RBMS3: variants seen among roughly 807,000 people sequenced by gnomAD.
The protein encoded by RBMS3 is RNA-binding motif, single-stranded-interacting protein 3.
Under a neutral mutation model 66.8 loss-of-function variants are expected in RBMS3, and 27 were observed. That is an observed-to-expected ratio of 0.40 (90% confidence interval 0.30 to 0.56). The LOEUF is 0.56. RBMS3 is among the 20% of genes least tolerant of loss of function. The pLI, the probability that RBMS3 is intolerant of heterozygous loss-of-function variation, is 0.40. For missense variants in RBMS3, 513 were observed against 549.5 expected (o/e 0.93, Z 0.66); for synonymous variants, 188 against 183.0 (o/e 1.03, Z -0.22).
intron 1 of RBMS3, among the ~76,000 whole-genome samples, chr3:29,306,459 ATTTTGTTTTG>A (rs1389496906): frequency 6.6e-6 from 1 of 151,784 alleles, no homozygotes; most frequent in Non-Finnish European, 1.5e-5. Flanking sequence ...CTTTTGTTTT[ATTTTGTTTTG>A]TTTTGACTAA....
In RBMS3 at chr3:30,004,208, C is replaced by CT. The variant is rs550404989; in HGVS notation, c.*361dup. 1,351 of 147,194 alleles carry CT rather than the reference C, an allele frequency of 9.2e-3. 3 individuals are homozygous for CT. Among genetic ancestry groups the CT allele is most frequent in the Middle Eastern group, 0.017 (6 of 346 alleles). 9.1% of individuals were successfully genotyped at this position (147,194 alleles called of 1,614,324 possible). ...CAGAATTTTTCTGAAGGTGTAGATACTTTTTTTTTTTTTTTAACAGAAAAC... is the reference window on the plus strand; with the variant it reads ...CAGAATTTTTCTGAAGGTGTAGATACTTTTTTTTTTTTTTTTAACAGAAAAC... On this transcript the variant is annotated 3_prime_UTR_variant, in exon 15 of 15. Transcript: ENST00000383767.
rs192017403 is a variant in RBMS3, at chr3:29,819,429, A to G, written c.638-49429A>G. On this transcript the variant is annotated intron_variant, in intron 6 of 14. Coordinates refer to ENST00000383767, the MANE Select transcript of RBMS3 (RefSeq NM_001003793.3). ...ACAGATAACAGACCAGATTTGGACC[A>G]CAAGCCATAGTTTACCAATTCTTCA... 2.9e-3 allele frequency among the ~76,000 whole-genome samples: 438 copies of G among 152,328 alleles called. 6 individuals are homozygous for G. Among genetic ancestry groups the G allele is most frequent in the African/African-American group, 9.6e-3 (400 of 41,570 alleles).
At chr3:29,711,704 C>T (rs1044852094) in intron 4 of RBMS3, among the ~76,000 whole-genome samples, 1 of 152,138 alleles carries the variant, frequency 6.6e-6, no homozygotes, top group Non-Finnish European at 1.5e-5. Flanking sequence ...TCCCATGGCT[C>T]CATACACATG....
chr3:29,634,217 A>C (rs959410113), intron 4 of RBMS3, among the ~76,000 whole-genome samples: 19 of 151,894 alleles, frequency 1.3e-4, no homozygotes, highest in African/African-American at 4.6e-4. Context: ...GCATTTGTGA[A>C]GTACAGCATG....
At chr3:29,672,100 C>T (rs1011568721) in intron 4 of RBMS3, among the ~76,000 whole-genome samples, 2 of 152,228 alleles carry the variant, frequency 1.3e-5, no homozygotes, top group African/African-American at 4.8e-5. Flanking sequence ...AACAGGAACT[C>T]TATAAGCCAG....
intron 4 of RBMS3, among the ~76,000 whole-genome samples, chr3:29,588,276 T>G (rs562520221): frequency 7.1e-4 from 108 of 152,218 alleles, no homozygotes; most frequent in African/African-American, 2.3e-3. Flanking sequence ...TATCTCTAGA[T>G]TCTATAAATT....
intron 1 of RBMS3, among the ~76,000 whole-genome samples, chr3:29,293,630 A>G (rs1182206217): frequency 6.6e-6 from 1 of 151,736 alleles, no homozygotes; most frequent in Non-Finnish European, 1.5e-5. Context: ...TTTATTTAGG[A>G]TGGCTGTCTG....
intron 1 of RBMS3, among the ~76,000 whole-genome samples, chr3:29,395,814 G>T (rs1448895025): frequency 1.3e-5 from 2 of 152,124 alleles, no homozygotes; most frequent in Non-Finnish European, 2.9e-5. Flanking sequence ...GTAATAAAGG[G>T]TGTTGAGTGT....
intron 2 of RBMS3, among the ~76,000 whole-genome samples, chr3:29,487,429 A>G (rs1276761610): frequency 1.3e-5 from 2 of 152,340 alleles, no homozygotes; most frequent in East Asian, 3.9e-4. Context: ...TGTAAATGTA[A>G]TTATCTTTTA....
At chr3:29,901,455 T>A (rs17024572) in intron 10 of RBMS3, among the ~76,000 whole-genome samples, 3,508 of 151,904 alleles carry the variant, frequency 0.023, 136 homozygotes, top group African/African-American at 0.081. Context: ...GATGTCAAAC[T>A]ATGTAAGATT....
intron 6 of RBMS3, among the ~76,000 whole-genome samples, chr3:29,801,206 C>G (rs756908543): frequency 2.6e-5 from 4 of 151,664 alleles, no homozygotes; most frequent in African/African-American, 7.3e-5. Flanking sequence ...TTCCAGGTTA[C>G]TAGGAGACTC....
At chr3:29,433,888 G>A (rs1186476087) in intron 1 of RBMS3, among the ~76,000 whole-genome samples, 1 of 152,194 alleles carries the variant, frequency 6.6e-6, no homozygotes, top group Non-Finnish European at 1.5e-5. Flanking sequence ...CCCAGGGGGA[G>A]ATTCCTACCA....
intron 14 of RBMS3, among the ~76,000 whole-genome samples, chr3:29,995,133 C>A (rs1346173426): frequency 6.6e-6 from 1 of 152,134 alleles, no homozygotes; most frequent in Admixed American, 6.5e-5. Context: ...AATGCAGAAG[C>A]CTCAGGAGCC....
intron 7 of RBMS3, among the ~76,000 whole-genome samples, chr3:29,878,625 C>T (rs2059665713): frequency 6.6e-6 from 1 of 152,108 alleles, no homozygotes; most frequent in South Asian, 2.1e-4. Context: ...AGGCCTCTGA[C>T]CTACATTACT....
chr3:29,462,766 G>A (rs994090903), intron 2 of RBMS3, among the ~76,000 whole-genome samples: 2 of 152,190 alleles, frequency 1.3e-5, no homozygotes, highest in African/African-American at 4.8e-5. Context: ...CCAGAGGGAT[G>A]GAGTTTGTAA....
Position 29,438,983 on chromosome 3 carries a change from A to G in RBMS3, c.248+4068A>G, listed in dbSNP as rs186274263. On this transcript the variant is annotated intron_variant, in intron 2 of 14. Transcript: ENST00000383767. ...TAGCAAAGGTATCTCTGAGGAAGTG[A>G]CAATTGAGCTAAGATTAGAAGGATA... Among the ~76,000 whole-genome samples the G allele has an allele frequency of 5.3e-4, 81 of 152,308 alleles. 1 individual carries two copies. In the South Asian group the frequency reaches 0.013, roughly 24 times the overall value.
Position 30,003,930 on chromosome 3 carries a change from G to A in RBMS3, c.*68G>A. 1 of 1,339,726 alleles carries A rather than the reference G, an allele frequency of 7.5e-7. No homozygotes were observed. The allele number at this position is 1,339,726 out of a possible 1,614,324, so 83.0% of individuals were successfully genotyped here. A position where few individuals can be genotyped will look rare whatever the true frequency, so the allele number is the denominator to read the frequency against. ...AGAAACTTCATTGAACAAGAAGTTGGCTTCCAGTTTGCACAGACGTCAATG... is the reference window on the plus strand; with the variant it reads ...AGAAACTTCATTGAACAAGAAGTTGACTTCCAGTTTGCACAGACGTCAATG... On this transcript the variant is annotated 3_prime_UTR_variant, in exon 15 of 15. Transcript: ENST00000383767.
intron 1 of RBMS3, among the ~76,000 whole-genome samples, chr3:29,414,352 C>T (rs2040393886): frequency 6.6e-6 from 1 of 152,198 alleles, no homozygotes; most frequent in Non-Finnish European, 1.5e-5. Flanking sequence ...ATGTGGATAG[C>T]TGTCTGCTTC....
intron 6 of RBMS3, among the ~76,000 whole-genome samples, chr3:29,805,640 CA>C (rs1444340136): frequency 6.6e-6 from 1 of 151,776 alleles, no homozygotes; most frequent in African/African-American, 2.4e-5. Context: ...AAAGTTTAAA[CA>C]GTATAAATAC....
Sources: allele counts gnomAD v4.1 joint callset (sites outside exome capture counted in the v4.1 genomes callset), GRCh38; gene constraint gnomAD v4.1.1; transcripts MANE v1.5; gene names NCBI Gene and HGNC (gene_info 2026-07-23, HGNC 2026-07-21).